The following THADA variants were observed in gnomAD, a reference collection of about 807,000 sequenced individuals.
The protein encoded by THADA is THADA armadillo repeat containing, also known as tRNA (32-2'-O)-methyltransferase regulator THADA.
Under a neutral mutation model 219.8 loss-of-function variants are expected in THADA, and 213 were observed. The observed-to-expected ratio is 0.97, with a 90% CI of 0.87 to 1.09. The LOEUF is 1.09. THADA is among the 50% of genes least tolerant of loss of function. THADA has a pLI of 0.00. For synonymous variants in THADA, 1,018 were observed against 828.9 expected, an observed-to-expected ratio of 1.23 and a Z score of -3.92; for missense variants, 2,956 against 2,311.3, an observed-to-expected ratio of 1.28 and a Z score of -5.72.
chr2:43,309,280 G>A (rs1394294389), intron 31 of THADA, among the ~76,000 whole-genome samples: 1 of 152,178 alleles, frequency 6.6e-6, no homozygotes, highest in Admixed American at 6.5e-5. Context: ...AAACATTTTG[G>A]TAGTTTCTTG....
intron 28 of THADA, among the ~76,000 whole-genome samples, chr2:43,418,234 T>C (rs1469350486): frequency 6.6e-6 from 1 of 152,166 alleles, no homozygotes; most frequent in Non-Finnish European, 1.5e-5. Context: ...GGGCCTTGGC[T>C]TTTCACCTCC....
intron 12 of THADA, 57 bp downstream of exon 12, chr2:43,572,757 C>T (rs370582640): frequency 3.3e-6 from 5 of 1,520,970 alleles, no homozygotes; most frequent in Non-Finnish European, 3.6e-6. Context: ...CTATATTGAA[C>T]TGCTACATGA....
chr2:43,497,002 A>C (rs1668801314), intron 25 of THADA, among the ~76,000 whole-genome samples: 1 of 152,216 alleles, frequency 6.6e-6, no homozygotes, highest in East Asian at 1.9e-4. Context: ...ATCTCACGCC[A>C]GTCAGAATGG....
chr2:43,400,457 T>TTTTATATATATATATATATATATA (rs1553427508), intron 28 of THADA, among the ~76,000 whole-genome samples: 5 of 89,902 alleles, frequency 5.6e-5, no homozygotes, highest in South Asian at 8.2e-4. Flanking sequence ...ATAGACAAAT[T>TTTTATATATATATATATATATATA]TATATATATA....
At chr2:43,533,741 T>G (rs114563746) in intron 21 of THADA, among the ~76,000 whole-genome samples, 15,777 of 152,058 alleles carry the variant, frequency 0.1, 890 homozygotes, top group South Asian at 0.14. Context: ...GGCCTGTCGT[T>G]GGGTGGAGGG....
At position 43,533,598 on chromosome 2, in the gene THADA, G is replaced by T. The variant is rs201025351; in HGVS notation, c.3265-5610C>A. On this transcript the variant is annotated intron_variant, in intron 21 of 37. Transcript: ENST00000405975. Reference sequence around the variant, plus strand: ...AGTTCATGTCCTTTGCAGGGACTTGGATGAAGCTGGAAGCCATCATCCTCA... The same window carrying T: ...AGTTCATGTCCTTTGCAGGGACTTGTATGAAGCTGGAAGCCATCATCCTCA... 2.0e-5 allele frequency among the ~76,000 whole-genome samples: 3 copies of T among 152,194 alleles called. No homozygotes were observed. The East Asian group carries it at 5.8e-4, about 29-fold the overall frequency.
At chr2:43,454,291 T>C (rs1310784525) in intron 26 of THADA, among the ~76,000 whole-genome samples, 3 of 152,180 alleles carry the variant, frequency 2.0e-5, no homozygotes, top group Non-Finnish European at 2.9e-5. Context: ...TCTAGACCTT[T>C]TCTATGCACA....
chr2:43,263,883 C>T (rs1671235293), intron 36 of THADA, among the ~76,000 whole-genome samples: 1 of 152,036 alleles, frequency 6.6e-6, no homozygotes, highest in African/African-American at 2.4e-5. Context: ...TCATGCTCTC[C>T]CTCCTCTCAC....
intron 26 of THADA, among the ~76,000 whole-genome samples, chr2:43,457,075 C>T (rs543765883): frequency 6.8e-6 from 1 of 147,390 alleles, no homozygotes; most frequent in African/African-American, 2.5e-5. Context: ...GCCAGGAAGA[C>T]AGCTATGAAG....
chr2:43,447,723 C>T lies in THADA; in HGVS notation c.3837-17421G>A, dbSNP rs72881054. 6.6e-3 allele frequency among the ~76,000 whole-genome samples: 1,007 copies of T among 152,038 alleles called. 14 individuals are homozygous for T. The highest frequency in any genetic ancestry group is 0.023 in the African/African-American group (958 of 41,342). ...CTCACAAGCCCAGCTGCTGAAATAA[C>T]CTCCCATAGCCTTAAGACTAGTTTT... On this transcript the variant is annotated intron_variant, in intron 26 of 37. Coordinates refer to ENST00000405975, the MANE Select transcript of THADA (RefSeq NM_022065.5).
At chr2:43,595,276 G>A (rs930521667) in intron 1 of THADA, among the ~76,000 whole-genome samples, 1 of 152,148 alleles carries the variant, frequency 6.6e-6, no homozygotes, top group African/African-American at 2.4e-5. Context: ...AGTAATGGCA[G>A]GTGAGCAACC....
chr2:43,241,392 TTTTTG>T (rs1668606227), intron 36 of THADA, among the ~76,000 whole-genome samples: 1 of 151,792 alleles, frequency 6.6e-6, no homozygotes, highest in African/African-American at 2.4e-5. Context: ...CCTGGCATCC[TTTTTG>T]TTTTAAGTCT....
chr2:43,305,662 C>T (rs1676769844), intron 31 of THADA, among the ~76,000 whole-genome samples: 1 of 152,078 alleles, frequency 6.6e-6, no homozygotes. Flanking sequence ...GCCCCTCTGG[C>T]CTGGGAGACA....
chr2:43,526,103 G>A (rs1185229868), intron 22 of THADA, among the ~76,000 whole-genome samples: 2 of 152,146 alleles, frequency 1.3e-5, no homozygotes, highest in Non-Finnish European at 2.9e-5. Context: ...TACAACAAAA[G>A]CCAGAGATCT....
intron 21 of THADA, chr2:43,538,445 T>C (rs1694886771): frequency 6.6e-6 from 1 of 152,168 alleles, no homozygotes; most frequent in Non-Finnish European, 1.5e-5. Context: ...ATGAACACAT[T>C]TTCCTCCTGG....
intron 26 of THADA, among the ~76,000 whole-genome samples, chr2:43,456,296 C>T (rs143034312): frequency 6.6e-6 from 1 of 152,322 alleles, no homozygotes; most frequent in African/African-American, 2.4e-5. Flanking sequence ...TGACTACATT[C>T]AGCCTACTTC....
intron 26 of THADA, among the ~76,000 whole-genome samples, chr2:43,452,583 A>G (rs1682478579): frequency 6.6e-6 from 1 of 152,118 alleles, no homozygotes; most frequent in Non-Finnish European, 1.5e-5. Flanking sequence ...CAGACAGGCC[A>G]GTTTCCAAAG....
At chr2:43,383,307 G>C (rs1049344157) in intron 29 of THADA, among the ~76,000 whole-genome samples, 2 of 152,224 alleles carry the variant, frequency 1.3e-5, no homozygotes, top group African/African-American at 4.8e-5. Context: ...CAGTGCATAA[G>C]TAAGGCACAA....
intron 31 of THADA, among the ~76,000 whole-genome samples, chr2:43,313,463 A>C (rs1009724326): frequency 6.6e-6 from 1 of 152,388 alleles, no homozygotes; most frequent in Non-Finnish European, 1.5e-5. Context: ...TGAACTATAA[A>C]TATCAACTAA....
Sources: allele counts gnomAD v4.1 joint callset (sites outside exome capture counted in the v4.1 genomes callset), GRCh38; gene constraint gnomAD v4.1.1; transcripts MANE v1.5; gene names NCBI Gene and HGNC (gene_info 2026-07-23, HGNC 2026-07-21).